ZMYM3: variants seen among roughly 807,000 people sequenced by gnomAD.
ZMYM3 encodes the protein zinc finger MYM-type containing 3.
Under a neutral mutation model 94.2 loss-of-function variants are expected in ZMYM3, and 6 were observed. That is an observed-to-expected ratio of 0.06 (90% CI 0.03 to 0.13). The LOEUF (loss-of-function observed/expected upper bound fraction) is 0.13, where lower values mean the gene tolerates loss of function less well. Among genes scored for constraint, ZMYM3 ranks in the 10% least tolerant of loss-of-function variants. ZMYM3 has a pLI of 1.00. For missense variants in ZMYM3, 664 were observed against 1,132.6 expected (o/e 0.59, Z 5.94); for synonymous variants, 420 against 426.5 (o/e 0.98, Z 0.19).
rs1379774007 is a variant in ZMYM3, at chrX:71,251,587, C to A, written c.682G>T (p.Ala228Ser). ...HPSLPGDGLT[A>S]KASEKPPERK... is the part of the protein sequence containing the mutation. The stretch of plus-strand genomic sequence containing the variant: ...TCAGGCGGCTTCTCACTCGCCTTCG[C>A]AGTCAGGCCATCTCCTGCAAAGGAA... Residue 228 changes from alanine (A) to serine (S), a missense_variant, in exon 3 of 25, where the codon GCG (alanine) becomes TCG (serine). By Grantham distance (99) the Ala-to-Ser change is moderately conservative. This residue lies in a region of ZMYM3 where 196 missense variants were observed against 190.8 expected (regional missense o/e 1.03). Coordinates refer to ENST00000314425, the MANE Select transcript of ZMYM3 (RefSeq NM_201599.3). The A allele has an allele frequency of 3.4e-6, 4 of 1,192,489 alleles. No individual in the cohort carries two copies. The highest frequency in any genetic ancestry group is 3.4e-6 in the Non-Finnish European group (3 of 885,854).
At chrX:71,251,067 T>G in intron 4 of ZMYM3, 111 bp downstream of exon 4, 1 of 830,376 alleles carries the variant, frequency 1.2e-6, no homozygotes. Flanking sequence ...CTTCATGCGC[T>G]TCATGGAGCA....
At position 71,246,377 on chromosome X, in the gene ZMYM3, T is replaced by C. The variant is rs979362501; in HGVS notation, c.2548A>G (p.Met850Val). The C allele has an allele frequency of 8.4e-7, 1 of 1,191,724 alleles. No individual in the cohort carries two copies. The highest frequency in any genetic ancestry group is 1.1e-6 in the Non-Finnish European group (1 of 886,137). Residue 850 changes from methionine (M) to valine (V), a missense_variant, in exon 15 of 25, where the codon ATG becomes GTG. Met to Val is a conservative substitution (Grantham distance 21). Transcript: ENST00000314425. ...QNRGVSCKVE[M>V]KSKGSQTEEW... ...CCTGTTTGACTTCCTTTGGACTTCA[T>C]CTCCACCTTGCAGGAGACGCCCCGA...
In ZMYM3 at chrX:71,240,708, G is replaced by A; in HGVS notation, c.*208C>T. On this transcript the variant is annotated 3_prime_UTR_variant, in exon 25 of 25. Transcript: ENST00000314425. ...CCATCACTGGGAGACCAGCCCCTGA[G>A]TACAGAAGACCAGGGCCCCATGGTT... 4.9e-6 allele frequency: 2 copies of A among 407,849 alleles called. No individual in the cohort carries two copies. The highest frequency in any genetic ancestry group is 8.3e-6 in the Non-Finnish European group (2 of 239,554). The allele number at this position is 407,849 out of a possible 1,213,427, so 33.6% of individuals were successfully genotyped here.
At chrX:71,248,366 G>T in intron 10 of ZMYM3, 54 bp from the exon 11 acceptor site, 1 of 1,192,555 alleles carries the variant, frequency 8.4e-7, no homozygotes, top group African/African-American at 1.7e-5. Context: ...GGCCCCAGCA[G>T]GGGCCAAGTG....
intron 3 of ZMYM3, 23 bp downstream of exon 3, chrX:71,251,535 C>T (rs1287229125): frequency 8.5e-7 from 1 of 1,180,981 alleles, no homozygotes; most frequent in Non-Finnish European, 1.1e-6. Context: ...GAACCAGACT[C>T]CTTCCAATCC....
chrX:71,240,653 C>A lies in ZMYM3; in HGVS notation c.*263G>T. 1 of 334,179 alleles carries A rather than the reference C, an allele frequency of 3.0e-6. No individual in the cohort carries two copies. Among genetic ancestry groups the A allele is most frequent in the Non-Finnish European group, 5.2e-6 (1 of 191,014 alleles). The allele number at this position is 334,179 out of a possible 1,213,427, so 27.5% of individuals were successfully genotyped here. A position where few individuals can be genotyped will look rare whatever the true frequency, so the allele number is the denominator to read the frequency against. On this transcript the variant is annotated 3_prime_UTR_variant, in exon 25 of 25. Transcript: ENST00000314425. ...CCAGAAGGAGGGGTTTACTCTGAAGCATAAAGAAAACGGGCAAGCTGGCTT... is the reference window on the plus strand; with the variant it reads ...CCAGAAGGAGGGGTTTACTCTGAAGAATAAAGAAAACGGGCAAGCTGGCTT...
chrX:71,251,899 T>C (rs895602822), intron 2 of ZMYM3: 92 of 746,003 alleles, frequency 1.2e-4, no homozygotes, highest in Non-Finnish European at 1.4e-4. Context: ...TAAGAATTTA[T>C]ATTTTACCAA....
upstream of ZMYM3, chrX:71,254,634 G>C (rs2030672822): frequency 1.0e-5 from 1 of 96,892 alleles, no homozygotes; most frequent in South Asian, 5.0e-4. Flanking sequence ...CCCCCTCGGC[G>C]TCCGCCCCCC....
chrX:71,253,612 A>C (rs1245834157), intron 1 of ZMYM3, among the ~76,000 whole-genome samples: 1 of 79,054 alleles, frequency 1.3e-5, no homozygotes, highest in South Asian at 8.8e-4. Context: ...GCCCCCTTAG[A>C]GTCTCCTAAG....
chrX:71,245,662 G>A lies in ZMYM3; in HGVS notation c.2860+6C>T, dbSNP rs1329073455. On this transcript the variant is annotated splice_donor_region_variant and intron_variant, in intron 17 of 24. Transcript: ENST00000314425. ...GTCTCCCTCGTCGCCACCATCTATG[G>A]CATACCACAAAGGTCAGATGAGGCC... The A allele has an allele frequency of 5.0e-6, 6 of 1,207,357 alleles. No individual in the cohort carries two copies. In the African/African-American group the frequency reaches 8.8e-5, roughly 18 times the overall value.
intron 10 of ZMYM3, 58 bp from the exon 11 acceptor site, chrX:71,248,370 C>A: frequency 8.4e-7 from 1 of 1,192,864 alleles, no homozygotes; most frequent in Non-Finnish European, 1.1e-6. Context: ...CCAGCAGGGG[C>A]CAAGTGGAAG....
Position 71,252,778 on chromosome X carries a change from C to T in ZMYM3, c.478G>A (p.Glu160Lys). Residue 160 changes from glutamate (E) to lysine (K), a missense_variant, in exon 2 of 25, where the codon GAG becomes AAG. Coordinates refer to ENST00000314425, the MANE Select transcript of ZMYM3 (RefSeq NM_201599.3). ...GCAGTAGCTATGGAGGTGGTCTCCT[C>T]CTCTTCAATATGTGGGGACTGCAGT... ...ITLQSPHIEE[E>K]ETTSIATARR... 1 of 1,211,933 alleles carries T rather than the reference C, an allele frequency of 8.3e-7. No homozygotes were observed. Among genetic ancestry groups the T allele is most frequent in the East Asian group, 3.0e-5 (1 of 33,842 alleles).
At chrX:71,241,185 G>C in intron 24 of ZMYM3, 42 bp downstream of exon 24, 1 of 1,183,838 alleles carries the variant, frequency 8.4e-7, no homozygotes. Flanking sequence ...AGATCCCTCG[G>C]GTCCCCATGC....
rs887935620 is a variant in ZMYM3, at chrX:71,249,898, C to G, written c.1251+128G>C. ...GAGAAGCTCTGTCCTTGAATACGCTCCCTCATGATGGCCGCCTTTCCTCCC... is the reference window on the plus strand; with the variant it reads ...GAGAAGCTCTGTCCTTGAATACGCTGCCTCATGATGGCCGCCTTTCCTCCC... On this transcript the variant is annotated intron_variant, in intron 6 of 24. Transcript: ENST00000314425. 14 of 1,035,876 alleles carry G rather than the reference C, an allele frequency of 1.4e-5. No individual in the cohort carries two copies. The African/African-American group carries it at 2.5e-4, about 18-fold the overall frequency. 85.4% of individuals were successfully genotyped at this position (1,035,876 alleles called of 1,213,427 possible).
At position 71,252,738 on chromosome X, in the gene ZMYM3, G is replaced by A. The variant is rs963915624; in HGVS notation, c.518C>T (p.Pro173Leu). Residue 173 changes from proline to leucine, a missense_variant, in exon 2 of 25, where the codon CCT becomes CTT. Physicochemically the swap from Pro to Leu is moderately conservative, Grantham distance 98. Around this residue, in one of 9 missense-constraint regions of ZMYM3, gnomAD observed 196 missense variants for 190.8 expected, o/e 1.03. Transcript: ENST00000314425. ...TSIATARRGSPGQEEELPQGQ... is the reference protein window; with the variant it reads ...TSIATARRGSLGQEEELPQGQ... ...TTGGGGAAGCTCCTCCTCCTGCCCAGGGGAGCCCCTTCTTGCAGTAGCTAT... is the reference window on the plus strand; with the variant it reads ...TTGGGGAAGCTCCTCCTCCTGCCCAAGGGAGCCCCTTCTTGCAGTAGCTAT... 5 of 1,210,640 alleles carry A rather than the reference G, an allele frequency of 4.1e-6. No individual in the cohort carries two copies. In the East Asian group the frequency reaches 1.2e-4, roughly 29 times the overall value.
intron 11 of ZMYM3, 123 bp from the exon 12 acceptor site, chrX:71,248,029 T>C: frequency 2.7e-6 from 3 of 1,091,826 alleles, no homozygotes; most frequent in Non-Finnish European, 2.4e-6. Context: ...CCCAAAACTT[T>C]AGGGGAGATG....
intron 16 of ZMYM3, 63 bp downstream of exon 16, chrX:71,245,922 AG>A: frequency 1.7e-6 from 2 of 1,186,613 alleles, no homozygotes; most frequent in East Asian, 6.0e-5. Flanking sequence ...TGATGAGTGA[AG>A]GGGGACAGTT....
chrX:71,250,496 A>G lies in ZMYM3; in HGVS notation c.1009T>C (p.Ser337Pro). The change falls in exon 5 of 25, where the codon TCA becomes CCA. Residue 337 changes from serine (S) to proline (P), a missense_variant. This residue lies in a region of ZMYM3 where 45 missense variants were observed against 92.9 expected (regional missense o/e 0.48). Transcript: ENST00000314425. ...RKGLPQLFCS[S>P]SCLTTFSKKP... ...TTGGAGAAAGTGGTGAGGCAGGATG[A>G]CGAGCAGAAGAGCTGAGGCAGCCCC... The G allele has an allele frequency of 8.3e-7, 1 of 1,210,136 alleles. No individual in the cohort carries two copies. Among genetic ancestry groups the G allele is most frequent in the Middle Eastern group, 2.3e-4 (1 of 4,331 alleles).
intron 4 of ZMYM3, 144 bp from the exon 5 acceptor site, chrX:71,250,870 C>T (rs2030428276): frequency 3.3e-6 from 2 of 608,794 alleles, no homozygotes; most frequent in African/African-American, 2.3e-5. Context: ...TATCTTAAGA[C>T]CTTGGTGTCT....
Sources: gnomAD v4.1 joint callset for allele counts (sites outside exome capture counted in the v4.1 genomes callset) on GRCh38, gnomAD v4.1.1 for gene constraint, gnomAD v4.1.1 regional missense constraint, MANE v1.5 for transcripts, NCBI Gene and HGNC (gene_info 2026-07-23, HGNC 2026-07-21) for gene names.